The following VTI1A variants were observed in gnomAD, a reference collection of about 807,000 sequenced individuals.
The protein encoded by VTI1A is vesicle transport through interaction with t-SNAREs homolog 1A.
VTI1A carries 22 observed loss-of-function variants against 34.9 expected under a neutral mutation model. That is an observed-to-expected ratio of 0.63 (90% CI 0.45 to 0.90). The LOEUF (loss-of-function observed/expected upper bound fraction) is 0.90, where lower values mean the gene tolerates loss of function less well. Among genes scored for constraint, VTI1A ranks in the 40% least tolerant of loss-of-function variants. The pLI, the probability that VTI1A is intolerant of heterozygous loss-of-function variation, is 0.00. For missense variants in VTI1A, 268 were observed against 275.6 expected, an observed-to-expected ratio of 0.97 and a Z score of 0.20; for synonymous variants, 87 against 97.3, an observed-to-expected ratio of 0.89 and a Z score of 0.62.
At chr10:112,835,085 C>T in the VTI1A span, among the ~76,000 whole-genome samples, 1 of 152,118 alleles carries the variant, frequency 6.6e-6, no homozygotes, top group Non-Finnish European at 1.5e-5. Flanking sequence ...ACACAGGGCC[C>T]GTGCGCTTCT....
rs116133470 is a variant in VTI1A at position 112,705,599 on chromosome 10, G to A, written c.560+36601G>A. 3.5e-3 allele frequency among the ~76,000 whole-genome samples: 533 copies of A among 152,118 alleles called. 3 individuals are homozygous for A. Among genetic ancestry groups the A allele is most frequent in the African/African-American group, 0.012 (491 of 41,510 alleles). ...CACACTGCTCATACCCACTTTCCACGTTTTGCCCAGGCTCCTCCAGAACCT... is the reference window on the plus strand; with the variant it reads ...CACACTGCTCATACCCACTTTCCACATTTTGCCCAGGCTCCTCCAGAACCT... On this transcript the variant is annotated intron_variant, in intron 7 of 7. Transcript: ENST00000393077.
chr10:112,637,910 A>T lies in VTI1A; in HGVS notation c.428-30308A>T, dbSNP rs563717831. On this transcript the variant is annotated intron_variant, in intron 5 of 7. Coordinates refer to ENST00000393077, the MANE Select transcript of VTI1A (RefSeq NM_145206.4). The stretch of plus-strand genomic sequence containing the variant: ...TGTCTTGTATACAGTTGCTTTTTAG[A>T]TGTGTAAAAACTGTTTACTTGACAC... Among the ~76,000 whole-genome samples the T allele has an allele frequency of 2.0e-5, 3 of 152,314 alleles. No homozygotes were observed. The South Asian group carries it at 6.2e-4, about 32-fold the overall frequency.
At chr10:112,770,107 C>T (rs542943115) in intron 7 of VTI1A, among the ~76,000 whole-genome samples, 64 of 151,830 alleles carry the variant, frequency 4.2e-4, no homozygotes, top group Non-Finnish European at 7.2e-4. Context: ...CATCTGCAGG[C>T]GGAATCTGGC....
At chr10:112,654,518 C>T (rs182710450) in intron 5 of VTI1A, among the ~76,000 whole-genome samples, 2 of 151,716 alleles carry the variant, frequency 1.3e-5, no homozygotes, top group South Asian at 2.1e-4. Context: ...TTTTTGAGAC[C>T]GAGTCTAACT....
At chr10:112,752,435 C>T (rs1257991819) in intron 7 of VTI1A, 1 of 985,330 alleles carries the variant, frequency 1.0e-6, no homozygotes, top group African/African-American at 1.7e-5. Flanking sequence ...TCACCAGCCA[C>T]AGCTGCTGAA....
the VTI1A span, chr10:112,831,571 C>G: frequency 2.2e-4 from 34 of 152,258 alleles, no homozygotes; most frequent in Non-Finnish European, 1.0e-4. Context: ...ATGCGTAGCA[C>G]AATGAATTTG....
At chr10:112,655,634 A>G (rs1005942977) in intron 5 of VTI1A, among the ~76,000 whole-genome samples, 1 of 152,218 alleles carries the variant, frequency 6.6e-6, no homozygotes, top group African/African-American at 2.4e-5. Context: ...TATTCTTGAA[A>G]TCAGCCTGAC....
chr10:112,814,051 G>A (rs1051457636), intron 7 of VTI1A, among the ~76,000 whole-genome samples: 6 of 152,186 alleles, frequency 3.9e-5, no homozygotes, highest in Non-Finnish European at 7.3e-5. Flanking sequence ...GATGGGTGAG[G>A]AGGAATCTGA....
At chr10:112,794,631 A>G (rs1590191098) in intron 7 of VTI1A, among the ~76,000 whole-genome samples, 1 of 152,208 alleles carries the variant, frequency 6.6e-6, no homozygotes, top group Non-Finnish European at 1.5e-5. Context: ...CATTATTTAC[A>G]TTTCAATGTA....
intron 5 of VTI1A, among the ~76,000 whole-genome samples, chr10:112,560,597 C>CT (rs1281971200): frequency 0.017 from 2,129 of 123,648 alleles, 32 homozygotes; most frequent in African/African-American, 0.033. Flanking sequence ...AATAGAAGTG[C>CT]TTTTTTTTTT....
At chr10:112,765,285 C>A (rs1851609410) in intron 7 of VTI1A, among the ~76,000 whole-genome samples, 1 of 152,214 alleles carries the variant, frequency 6.6e-6, no homozygotes, top group Non-Finnish European at 1.5e-5. Flanking sequence ...TCTTGGCTTA[C>A]TGCAGCCTCC....
chr10:112,629,125 G>A (rs1032036477), intron 5 of VTI1A, among the ~76,000 whole-genome samples: 5 of 152,294 alleles, frequency 3.3e-5, no homozygotes, highest in Non-Finnish European at 5.9e-5. Flanking sequence ...TGGCTTCTGG[G>A]GTAACAGGTG....
chr10:112,778,560 T>A (rs900647655), intron 7 of VTI1A, among the ~76,000 whole-genome samples: 3 of 152,210 alleles, frequency 2.0e-5, no homozygotes, highest in Non-Finnish European at 2.9e-5. Flanking sequence ...TCACTCTATT[T>A]TACTGAGAAA....
the VTI1A span, among the ~76,000 whole-genome samples, chr10:112,847,643 G>T: frequency 1.3e-5 from 2 of 152,274 alleles, no homozygotes; most frequent in East Asian, 3.9e-4. Context: ...GCTCCTTCTT[G>T]CTGCCAAGAA....
At chr10:112,792,229 T>C (rs1852507288) in intron 7 of VTI1A, among the ~76,000 whole-genome samples, 2 of 152,154 alleles carry the variant, frequency 1.3e-5, no homozygotes, top group Non-Finnish European at 2.9e-5. Flanking sequence ...GAGCCGAGAT[T>C]GTACCACTAT....
At chr10:112,561,101 G>T (rs1851711463) in intron 5 of VTI1A, among the ~76,000 whole-genome samples, 1 of 152,108 alleles carries the variant, frequency 6.6e-6, no homozygotes, top group Non-Finnish European at 1.5e-5. Flanking sequence ...AGAATATTGT[G>T]TTTCATTTGG....
intron 7 of VTI1A, among the ~76,000 whole-genome samples, chr10:112,726,960 C>T (rs1317261712): frequency 6.6e-6 from 1 of 152,138 alleles, no homozygotes; most frequent in Non-Finnish European, 1.5e-5. Context: ...TCCGTGACAT[C>T]ATAAATGTAG....
intron 3 of VTI1A, among the ~76,000 whole-genome samples, chr10:112,507,420 C>T (rs1849469084): frequency 6.6e-6 from 1 of 152,182 alleles, no homozygotes; most frequent in South Asian, 2.1e-4. Flanking sequence ...ATGTAGTTGC[C>T]TTACACCCTT....
At chr10:112,475,594 T>A (rs746270661) in intron 3 of VTI1A, among the ~76,000 whole-genome samples, 2 of 151,670 alleles carry the variant, frequency 1.3e-5, no homozygotes, top group Non-Finnish European at 2.9e-5. Context: ...TAACATGCTT[T>A]ATATATGTAT....
Sources: allele counts gnomAD v4.1 joint callset (sites outside exome capture counted in the v4.1 genomes callset), GRCh38; gene constraint gnomAD v4.1.1; transcripts MANE v1.5; gene names NCBI Gene and HGNC (gene_info 2026-07-23, HGNC 2026-07-21).